Variants in CDH23 observed in about 807,000 individuals in gnomAD.
CDH23 encodes the protein cadherin related 23.
A neutral mutation model predicts 317.1 loss-of-function variants in CDH23; 189 were observed. The observed-to-expected ratio is 0.60, with a 90% CI of 0.53 to 0.67. The LOEUF (loss-of-function observed/expected upper bound fraction) is 0.67. Among genes scored for constraint, CDH23 ranks in the 30% least tolerant of loss-of-function variants. CDH23 has a pLI of 0.00. For synonymous variants in CDH23, 1,839 were observed against 1,876.8 expected, an observed-to-expected ratio of 0.98 and a Z score of 0.52; for missense variants, 4,401 against 4,592.4, an observed-to-expected ratio of 0.96 and a Z score of 1.20.
At position 71,806,224 on chromosome 10, in the gene CDH23, G is replaced by A. The variant is rs377535432; in HGVS notation, c.8121G>A (p.Pro2707=). Residue 2707 remains proline, a synonymous_variant, in exon 57 of 70, where the codon CCG becomes CCA. Coordinates refer to ENST00000224721, the MANE Select transcript of CDH23 (RefSeq NM_022124.6). ...GQPVPYETMQ[P]LQVALEDIDD... is the part of the protein sequence containing the mutation. The stretch of plus-strand genomic sequence containing the variant: ...CAGTGCCATACGAGACTATGCAGCC[G>A]CTGCAGGTGGCCCTGGAGGACATCG... 46 of 1,578,214 alleles carry A rather than the reference G, an allele frequency of 2.9e-5. No homozygotes were observed. In the African/African-American group the frequency reaches 4.5e-4, roughly 15 times the overall value.
chr10:71,488,860 C>T (rs189379001), intron 3 of CDH23, among the ~76,000 whole-genome samples: 3 of 152,290 alleles, frequency 2.0e-5, no homozygotes, highest in African/African-American at 7.2e-5. Flanking sequence ...ATATGGAATT[C>T]TAGGTTGCCA....
At chr10:71,416,522 T>C (rs1848540355) in intron 1 of CDH23, among the ~76,000 whole-genome samples, 2 of 152,220 alleles carry the variant, frequency 1.3e-5, no homozygotes, top group South Asian at 4.1e-4. Context: ...GCTTACATAT[T>C]TACCCTGATA....
At chr10:71,488,370 G>T (rs144877075) in intron 3 of CDH23, among the ~76,000 whole-genome samples, 1 of 152,176 alleles carries the variant, frequency 6.6e-6, no homozygotes, top group Admixed American at 6.5e-5. Context: ...ATCTTTCTGC[G>T]CAGGAGTGAG....
chr10:71,521,499 C>A (rs1854680021), intron 6 of CDH23, among the ~76,000 whole-genome samples: 3 of 152,186 alleles, frequency 2.0e-5, no homozygotes, highest in Admixed American at 6.5e-5. Flanking sequence ...ATCCCAATAC[C>A]AAGTGGTCAC....
intron 22 of CDH23, among the ~76,000 whole-genome samples, chr10:71,699,083 C>T (rs1564740801): frequency 6.6e-6 from 1 of 152,254 alleles, no homozygotes; most frequent in Non-Finnish European, 1.5e-5. Context: ...ACCATCATCA[C>T]TATCATTACC....
At chr10:71,540,093 C>G (rs1855903268) in intron 6 of CDH23, among the ~76,000 whole-genome samples, 1 of 152,176 alleles carries the variant, frequency 6.6e-6, no homozygotes, top group Non-Finnish European at 1.5e-5. Flanking sequence ...CCATGACTTT[C>G]TGCTCACTAA....
rs375739009 is a variant in CDH23, at chr10:71,751,740, G to T, written c.4845+9819G>T. On this transcript the variant is annotated intron_variant, in intron 38 of 69. Coordinates refer to ENST00000224721, the MANE Select transcript of CDH23 (RefSeq NM_022124.6). This position sits in a 1 kb window ranked among gnomAD's most constrained non-coding sequence, Gnocchi z 4.9. ...GTGCTGGGCTCCGAAAGCAGATGCCGCCCAGACTCAGAAGGCTGCCGCTGG... is the reference window on the plus strand; with the variant it reads ...GTGCTGGGCTCCGAAAGCAGATGCCTCCCAGACTCAGAAGGCTGCCGCTGG... 2 of 1,598,750 alleles carry T rather than the reference G, an allele frequency of 1.3e-6. No homozygotes were observed. The highest frequency in any genetic ancestry group is 1.7e-5 in the Admixed American group (1 of 57,770).
In CDH23 at chr10:71,724,060, G is replaced by T; in HGVS notation, c.3385G>T (p.Ala1129Ser). 6.4e-7 allele frequency: 1 copy of T among 1,560,498 alleles called. No homozygotes were observed. Among genetic ancestry groups the T allele is most frequent in the Non-Finnish European group, 8.7e-7 (1 of 1,151,828 alleles). The change falls in exon 29 of 70, where the codon GCA becomes TCA. Residue 1129 changes from alanine (A) to serine (S), a missense_variant. This residue lies in a region of CDH23 where 3,068 missense variants were observed against 3,203.3 expected (regional missense o/e 0.96). Coordinates refer to ENST00000224721, the MANE Select transcript of CDH23 (RefSeq NM_022124.6). ...HSILQLKATD[A>S]DEGEFGRVWY... Reference sequence around the variant, plus strand: ...TCTTCCTCAGCTGAAAGCCACGGACGCAGATGAGGGCGAGTTTGGGCGTGT... The same window carrying T: ...TCTTCCTCAGCTGAAAGCCACGGACTCAGATGAGGGCGAGTTTGGGCGTGT...
intron 3 of CDH23, among the ~76,000 whole-genome samples, chr10:71,499,577 C>T (rs779399230): frequency 2.6e-5 from 4 of 151,566 alleles, no homozygotes; most frequent in African/African-American, 9.7e-5. Flanking sequence ...CCGTGGCTCA[C>T]GCCTGTAATC....
rs777601608 is a variant in CDH23 at position 71,812,050 on chromosome 10, G to T, written c.9380+35G>T. 10 of 1,613,916 alleles carry T rather than the reference G, an allele frequency of 6.2e-6. No individual in the cohort carries two copies. In the South Asian group the frequency reaches 6.6e-5, roughly 11 times the overall value. On this transcript the variant is annotated intron_variant, in intron 66 of 69. Coordinates refer to ENST00000224721, the MANE Select transcript of CDH23 (RefSeq NM_022124.6). ...GTACTGGCCCTGCCCGGTCCCCTGC[G>T]GGGAGTCCTGCCAGGACCCAGCTGG...
intron 28 of CDH23, chr10:71,713,962 C>G (rs1452410598): frequency 1.3e-5 from 2 of 152,508 alleles, no homozygotes; most frequent in Non-Finnish European, 2.9e-5. Flanking sequence ...GGGAGGAGGC[C>G]TGCCCCACTT....
chr10:71,705,879 C>T (rs984972939), intron 25 of CDH23, among the ~76,000 whole-genome samples: 8 of 151,176 alleles, frequency 5.3e-5, no homozygotes, highest in African/African-American at 7.3e-5. Flanking sequence ...TGGTAGGGGG[C>T]GGGGGAGGGT....
intron 48 of CDH23, chr10:71,795,613 C>A (rs963206975): frequency 5.6e-6 from 1 of 178,336 alleles, no homozygotes; most frequent in Non-Finnish European, 1.1e-5. Flanking sequence ...AGAGCCTCAG[C>A]CCCTGAGCTC....
At position 71,694,326 on chromosome 10, in the gene CDH23, C is replaced by T. The variant is rs142933164; in HGVS notation, c.2289+67C>T. 3.1e-4 allele frequency: 382 copies of T among 1,218,162 alleles called. No individual in the cohort carries two copies. In the African/African-American group the frequency reaches 5.0e-3, roughly 16 times the overall value. 75.5% of individuals were successfully genotyped at this position (1,218,162 alleles called of 1,614,324 possible). A position where few individuals can be genotyped will look rare whatever the true frequency, so the allele number is the denominator to read the frequency against. The stretch of plus-strand genomic sequence containing the variant: ...GCCAGGCTGCTGCTCCCTGCTTGTA[C>T]CTCTGGACCCCCGTGTCCTGAGCCA... On this transcript the variant is annotated intron_variant, in intron 21 of 69. Transcript: ENST00000224721.
At chr10:71,399,262 T>C (rs1184781201) in intron 1 of CDH23, among the ~76,000 whole-genome samples, 2 of 152,204 alleles carry the variant, frequency 1.3e-5, no homozygotes, top group Non-Finnish European at 2.9e-5. Flanking sequence ...TTGTTAGAAA[T>C]GCAGACTCTT....
Position 71,751,961 on chromosome 10 carries a change from A to C in CDH23, c.4845+10040A>C. The stretch of plus-strand genomic sequence containing the variant: ...TCTCTCCTCCCTTTCTCTCACCTAC[A>C]TCCCCATCCCCAAGCCTCAGCAGCA... On this transcript the variant is annotated intron_variant, in intron 38 of 69. Coordinates refer to ENST00000224721, the MANE Select transcript of CDH23 (RefSeq NM_022124.6). This position sits in a 1 kb window ranked among gnomAD's most constrained non-coding sequence, Gnocchi z 4.9. 1 of 1,212,476 alleles carries C rather than the reference A, an allele frequency of 8.2e-7. No homozygotes were observed. Among genetic ancestry groups the C allele is most frequent in the Non-Finnish European group, 1.2e-6 (1 of 855,420 alleles). 75.1% of individuals were successfully genotyped at this position (1,212,476 alleles called of 1,614,324 possible).
intron 6 of CDH23, among the ~76,000 whole-genome samples, chr10:71,531,697 C>G (rs1459354527): frequency 6.6e-6 from 1 of 152,024 alleles, no homozygotes; most frequent in Non-Finnish European, 1.5e-5. Flanking sequence ...CCATCACTGC[C>G]CTTGTCTTCC....
At chr10:71,544,994 TC>T (rs1185763182) in intron 6 of CDH23, among the ~76,000 whole-genome samples, 1 of 151,920 alleles carries the variant, frequency 6.6e-6, no homozygotes, top group Non-Finnish European at 1.5e-5. Flanking sequence ...ACAGAGTCAG[TC>T]CCCGACCCCA....
chr10:71,729,113 G>A (rs915511039), intron 30 of CDH23, among the ~76,000 whole-genome samples: 3 of 152,118 alleles, frequency 2.0e-5, no homozygotes, highest in African/African-American at 7.2e-5. Flanking sequence ...GCGATTACAG[G>A]CAAAAGCCAC....
Sources: allele counts gnomAD v4.1 joint callset (sites outside exome capture counted in the v4.1 genomes callset), GRCh38; gene constraint gnomAD v4.1.1; regional missense constraint gnomAD v4.1.1; non-coding constraint Gnocchi (gnomAD v3.1); transcripts MANE v1.5; gene names NCBI Gene and HGNC (gene_info 2026-07-23, HGNC 2026-07-21).